Variants in LMO7 observed in about 807,000 individuals in gnomAD.
LMO7 encodes LIM domain only protein 7.
LMO7 carries 120 observed loss-of-function variants against 206.5 expected under a neutral mutation model. The ratio of observed to expected loss-of-function variants is 0.58; its 90% CI spans 0.50 to 0.68. The LOEUF (loss-of-function observed/expected upper bound fraction) is 0.68. Among genes scored for constraint, LMO7 ranks in the 30% least tolerant of loss-of-function variants. The pLI is 0.00. For missense variants in LMO7, 1,959 were observed against 1,957.9 expected (o/e 1.00, Z -0.01); for synonymous variants, 706 against 681.5 (o/e 1.04, Z -0.56).
chr13:75,747,736 T>C (rs2046962699), intron 3 of LMO7, among the ~76,000 whole-genome samples: 1 of 152,188 alleles, frequency 6.6e-6, no homozygotes, highest in South Asian at 2.1e-4. Context: ...CACATTGTGA[T>C]CCATGGAAAT....
chr13:75,778,462 G>C (rs1249996688), intron 4 of LMO7, among the ~76,000 whole-genome samples: 1 of 152,178 alleles, frequency 6.6e-6, no homozygotes, highest in African/African-American at 2.4e-5. Context: ...TCGATGTCCT[G>C]ACCTCGTGAT....
chr13:75,743,072 C>T (rs905000735), intron 3 of LMO7, among the ~76,000 whole-genome samples: 1 of 152,102 alleles, frequency 6.6e-6, no homozygotes, highest in Non-Finnish European at 1.5e-5. Flanking sequence ...TGGGCAGACA[C>T]TTTTCAAAAG....
At chr13:75,639,284 T>C (rs1007280659) in intron 1 of LMO7, among the ~76,000 whole-genome samples, 1 of 152,212 alleles carries the variant, frequency 6.6e-6, no homozygotes, top group Non-Finnish European at 1.5e-5. Context: ...ATCTTGTTTT[T>C]ACTTATTTCA....
In LMO7 at chr13:75,636,574, C is replaced by T. The variant is rs915659518; in HGVS notation, c.-84C>T. The T allele has an allele frequency of 1.8e-4, 277 of 1,537,570 alleles. No individual in the cohort carries two copies. The highest frequency in any genetic ancestry group is 2.2e-4 in the Non-Finnish European group (250 of 1,146,024). ...GAGTTGTGGGAGGCCCGCGTGCCCT[C>T]CCCGCCCGTGGGGCCCAGACGCGCG... On this transcript the variant is annotated 5_prime_UTR_variant, in exon 1 of 31. Transcript: ENST00000377534.
intron 20 of LMO7, among the ~76,000 whole-genome samples, chr13:75,838,889 T>C (rs780751234): frequency 6.6e-6 from 1 of 152,160 alleles, no homozygotes; most frequent in Non-Finnish European, 1.5e-5. Context: ...CAAGCTCTGT[T>C]TTGCTACTAA....
intron 4 of LMO7, among the ~76,000 whole-genome samples, chr13:75,792,903 A>G (rs1274563368): frequency 1.3e-5 from 2 of 152,230 alleles, no homozygotes; most frequent in Non-Finnish European, 2.9e-5. Context: ...TATGGTGTTT[A>G]TCACAGAATA....
chr13:75,804,137 C>A, intron 7 of LMO7, 152 bp from the exon 8 acceptor site: 1 of 764,284 alleles, frequency 1.3e-6, no homozygotes, highest in Non-Finnish European at 2.1e-6. Context: ...TGGATCTTAT[C>A]ACAACTTCGT....
intron 3 of LMO7, among the ~76,000 whole-genome samples, chr13:75,735,316 C>CA (rs1249171874): frequency 6.6e-6 from 1 of 151,606 alleles, no homozygotes; most frequent in Non-Finnish European, 1.5e-5. Context: ...GAGCCCTTTC[C>CA]AAAAATGGGA....
At chr13:75,668,118 G>T (rs1304477200) in intron 1 of LMO7, among the ~76,000 whole-genome samples, 3 of 152,198 alleles carry the variant, frequency 2.0e-5, no homozygotes, top group Admixed American at 2.0e-4. Flanking sequence ...TGAGGCACAA[G>T]AATTGCTTGA....
At chr13:75,762,876 A>G (rs1462464431) in intron 4 of LMO7, among the ~76,000 whole-genome samples, 1 of 152,168 alleles carries the variant, frequency 6.6e-6, no homozygotes, top group African/African-American at 2.4e-5. Context: ...CTGCAGTGGA[A>G]GCACTGGAGC....
chr13:75,735,204 A>G (rs1352691721), intron 3 of LMO7, among the ~76,000 whole-genome samples: 1 of 151,168 alleles, frequency 6.6e-6, no homozygotes, highest in Non-Finnish European at 1.5e-5. Context: ...TTTATCCTGT[A>G]CTTCTCTAAA....
chr13:75,653,537 G>GA (rs1487072248), intron 1 of LMO7, among the ~76,000 whole-genome samples: 1 of 152,132 alleles, frequency 6.6e-6, no homozygotes, highest in Non-Finnish European at 1.5e-5. Flanking sequence ...TTTCTAAAAG[G>GA]AAAAAATGTT....
chr13:75,719,491 A>G (rs2043840835), intron 2 of LMO7, among the ~76,000 whole-genome samples: 1 of 152,072 alleles, frequency 6.6e-6, no homozygotes, highest in African/African-American at 2.4e-5. Flanking sequence ...GAGGGACCTG[A>G]TGGGAGGTGA....
intron 24 of LMO7, 103 bp downstream of exon 24, chr13:75,842,086 C>G: frequency 1.3e-6 from 1 of 783,206 alleles, no homozygotes; most frequent in Non-Finnish European, 2.0e-6. Context: ...ATTCTCCACA[C>G]AAGTGAATAC....
At chr13:75,725,250 C>G (rs2044370427) in intron 2 of LMO7, among the ~76,000 whole-genome samples, 1 of 152,030 alleles carries the variant, frequency 6.6e-6, no homozygotes, top group African/African-American at 2.4e-5. Flanking sequence ...ACCAGTGACT[C>G]AAATAGGTGG....
chr13:75,736,714 C>T (rs504273), intron 3 of LMO7, among the ~76,000 whole-genome samples: 70,590 of 151,930 alleles, frequency 0.46, 17,114 homozygotes, highest in East Asian at 0.61. Context: ...GTGACATTTG[C>T]TGCATGTCCA....
At chr13:75,816,389 C>G (rs2056994745) in intron 11 of LMO7, among the ~76,000 whole-genome samples, 1 of 152,218 alleles carries the variant, frequency 6.6e-6, no homozygotes, top group Admixed American at 6.5e-5. Context: ...CTTAATCTCT[C>G]TTTCCCCTCT....
chr13:75,810,141 T>G (rs2056160706), intron 11 of LMO7, among the ~76,000 whole-genome samples: 1 of 152,212 alleles, frequency 6.6e-6, no homozygotes, highest in Non-Finnish European at 1.5e-5. Flanking sequence ...AATCATTTAT[T>G]CATTCTTAGT....
intron 1 of LMO7, among the ~76,000 whole-genome samples, chr13:75,654,399 G>A (rs543218683): frequency 1.1e-3 from 167 of 152,142 alleles, no homozygotes; most frequent in Non-Finnish European, 2.1e-3. Context: ...CTGATCTCTC[G>A]TTCCTTTTTC....
Sources: gnomAD v4.1 joint callset for allele counts (sites outside exome capture counted in the v4.1 genomes callset) on GRCh38, gnomAD v4.1.1 for gene constraint, MANE v1.5 for transcripts, NCBI Gene and HGNC (gene_info 2026-07-23, HGNC 2026-07-21) for gene names.